Variants in RBM19 observed in about 807,000 individuals in gnomAD.
RBM19 encodes the protein probable RNA-binding protein 19.
A neutral mutation model predicts 116.8 loss-of-function variants in RBM19; 94 were observed. That is an observed-to-expected ratio of 0.80 (90% CI 0.68 to 0.95). RBM19 has a LOEUF of 0.95. RBM19 is among the 40% of genes least tolerant of loss of function. The probability of loss-of-function intolerance (pLI) is 0.00; values close to 1 mark genes in which losing one functional copy is unlikely to be tolerated. For missense variants in RBM19, 1,161 were observed against 1,220.7 expected, an observed-to-expected ratio of 0.95 and a Z score of 0.73; for synonymous variants, 475 against 494.1, an observed-to-expected ratio of 0.96 and a Z score of 0.51.
At chr12:113,919,091 A>G (rs1882954612) in intron 19 of RBM19, among the ~76,000 whole-genome samples, 1 of 152,208 alleles carries the variant, frequency 6.6e-6, no homozygotes, top group Non-Finnish European at 1.5e-5. Flanking sequence ...CTGCAGAGCC[A>G]ATTTTAAGTT....
In RBM19 at chr12:113,945,892, G is replaced by A. The variant is rs764514315; in HGVS notation, c.1562C>T (p.Pro521Leu). 5 of 1,591,380 alleles carry A rather than the reference G, an allele frequency of 3.1e-6. No homozygotes were observed. Among genetic ancestry groups the A allele is most frequent in the East Asian group, 2.2e-5 (1 of 44,772 alleles). Residue 521 changes from proline (P) to leucine (L), a missense_variant, in exon 13 of 24, where the codon CCG becomes CTG. Pro to Leu is a moderately conservative substitution (Grantham distance 98, BLOSUM62 -3). Transcript: ENST00000261741. The part of the protein sequence containing the change: ...SHNWNTLFMG[P>L]NAVADAIAQK... ...TGCGATGGCATCGGCCACGGCATTC[G>A]GCCCCATGAATAGTGTGTTCCAGTT...
intron 22 of RBM19, among the ~76,000 whole-genome samples, chr12:113,848,626 T>C (rs532224010): frequency 6.6e-6 from 1 of 152,220 alleles, no homozygotes; most frequent in East Asian, 1.9e-4. Flanking sequence ...TGTGAGGAGC[T>C]TGGAAGGTTC....
intron 21 of RBM19, among the ~76,000 whole-genome samples, chr12:113,896,269 T>C (rs1881315499): frequency 6.6e-6 from 1 of 152,210 alleles, no homozygotes. Flanking sequence ...TTCCCTGTAA[T>C]GTGCTTTGTT....
chr12:113,909,741 CACCTCCAGACCCA>C (rs1882312082), intron 21 of RBM19, among the ~76,000 whole-genome samples: 1 of 152,174 alleles, frequency 6.6e-6, no homozygotes, highest in Non-Finnish European at 1.5e-5. Flanking sequence ...CCTTCCTTCT[CACCTCCAGACCCA>C]CTTGACTGTC....
At chr12:113,955,910 G>T (rs1177420476) in intron 6 of RBM19, among the ~76,000 whole-genome samples, 1 of 152,160 alleles carries the variant, frequency 6.6e-6, no homozygotes, top group Non-Finnish European at 1.5e-5. Flanking sequence ...GCCCTGCTGG[G>T]GGTGCTGCAT....
chr12:113,940,208 T>C, intron 14 of RBM19, 48 bp from the exon 15 acceptor site: 24 of 1,541,430 alleles, frequency 1.6e-5, no homozygotes, highest in South Asian at 2.3e-5. Flanking sequence ...GGGAGGAGGG[T>C]CCCCAGCTGA....
intron 21 of RBM19, among the ~76,000 whole-genome samples, chr12:113,893,864 G>A (rs985486572): frequency 1.3e-4 from 20 of 152,312 alleles, no homozygotes; most frequent in Admixed American, 1.0e-3. Context: ...GCTCAGGAGC[G>A]ACACAGGGCC....
At chr12:113,820,353 A>G (rs981659189), downstream of RBM19, among the ~76,000 whole-genome samples, 44 of 152,092 alleles carry the variant, frequency 2.9e-4, no homozygotes, top group Non-Finnish European at 5.0e-4. Flanking sequence ...ATCTCAAAGG[A>G]AAATAAAAAG....
intron 2 of RBM19, 40 bp from the exon 3 acceptor site, chr12:113,960,218 AC>A: frequency 6.2e-7 from 1 of 1,611,810 alleles, no homozygotes. Context: ...CTGCCATGGC[AC>A]CCAGGCGTTG....
intron 16 of RBM19, among the ~76,000 whole-genome samples, chr12:113,934,525 A>G (rs1392794211): frequency 1.3e-5 from 2 of 152,146 alleles, no homozygotes; most frequent in Non-Finnish European, 2.9e-5. Flanking sequence ...CCTGATCACT[A>G]TCAGCCACTG....
chr12:113,844,767 G>A lies in RBM19; in HGVS notation c.2686C>T (p.His896Tyr). 1 of 1,613,234 alleles carries A rather than the reference G, an allele frequency of 6.2e-7. No individual in the cohort carries two copies. The highest frequency in any genetic ancestry group is 8.5e-7 in the Non-Finnish European group (1 of 1,179,658). ...DAKRAFNALCHSTHLYGRRLV... is the reference protein window; with the variant it reads ...DAKRAFNALCYSTHLYGRRLV... ...CTCCGCCCGTACAAGTGGGTGCTGT[G>A]ACACAGGGCGTTGAAGGCTCTCTGC... Residue 896 changes from histidine (H) to tyrosine (Y), a missense_variant, in exon 23 of 24, where the codon CAC (histidine) becomes TAC (tyrosine). Transcript: ENST00000261741.
At chr12:113,834,702 G>C (rs1875720562) in intron 23 of RBM19, among the ~76,000 whole-genome samples, 1 of 152,194 alleles carries the variant, frequency 6.6e-6, no homozygotes, top group African/African-American at 2.4e-5. Flanking sequence ...CCAATAAAGA[G>C]AGGGCAATTT....
At position 113,856,143 on chromosome 12, in the gene RBM19, G is replaced by C. The variant is rs182283252; in HGVS notation, c.2664+2648C>G. On this transcript the variant is annotated intron_variant, in intron 22 of 23. Coordinates refer to ENST00000261741, the MANE Select transcript of RBM19 (RefSeq NM_016196.4). ...AGGGCCAGTCCCGGAGAGGCTGTGA[G>C]TTGAGCCTGTACTGTCCTCGGCTGC... Among the ~76,000 whole-genome samples, 60 of 152,342 alleles carry C rather than the reference G, an allele frequency of 3.9e-4. No individual in the cohort carries two copies. In the East Asian group the frequency reaches 6.8e-3, roughly 17 times the overall value.
intron 22 of RBM19, among the ~76,000 whole-genome samples, chr12:113,854,809 T>TA (rs1225679440): frequency 6.6e-6 from 1 of 152,166 alleles, no homozygotes; most frequent in Non-Finnish European, 1.5e-5. Context: ...TGCTGGAGTT[T>TA]AGCAAATGCT....
At chr12:113,918,956 A>T (rs978279882) in intron 19 of RBM19, among the ~76,000 whole-genome samples, 4 of 152,246 alleles carry the variant, frequency 2.6e-5, no homozygotes, top group Admixed American at 2.6e-4. Flanking sequence ...CGTAGGAACA[A>T]TTCTTGGAGG....
intron 21 of RBM19, among the ~76,000 whole-genome samples, chr12:113,897,224 A>G (rs1278517660): frequency 6.6e-6 from 1 of 152,214 alleles, no homozygotes; most frequent in Non-Finnish European, 1.5e-5. Flanking sequence ...GCTGGAGTGC[A>G]CTGGTGTGAT....
intron 21 of RBM19, among the ~76,000 whole-genome samples, chr12:113,882,113 TAAGGGG>T (rs1048078141): frequency 3.3e-5 from 5 of 152,312 alleles, no homozygotes; most frequent in Non-Finnish European, 7.4e-5. Flanking sequence ...CTCTCCCCTC[TAAGGGG>T]AGAAGGGCTC....
At position 113,959,199 on chromosome 12, in the gene RBM19, C is replaced by T. The variant is rs1872258371; in HGVS notation, c.571+13G>A. On this transcript the variant is annotated intron_variant, in intron 5 of 23. Coordinates refer to ENST00000261741, the MANE Select transcript of RBM19 (RefSeq NM_016196.4). Reference sequence around the variant, plus strand: ...GTCCGTGCGCATGGAGCACACAGTCCCCATGCCCTCACCTTCCAGGTCCTC... The same window carrying T: ...GTCCGTGCGCATGGAGCACACAGTCTCCATGCCCTCACCTTCCAGGTCCTC... 1.2e-6 allele frequency: 2 copies of T among 1,605,136 alleles called. No homozygotes were observed. Among genetic ancestry groups the T allele is most frequent in the Non-Finnish European group, 1.7e-6 (2 of 1,174,830 alleles).
intron 21 of RBM19, among the ~76,000 whole-genome samples, chr12:113,896,287 C>A (rs1881317147): frequency 6.6e-6 from 1 of 152,176 alleles, no homozygotes. Context: ...GTTCGCTTGC[C>A]CCAGAGCAGG....
Sources: allele counts gnomAD v4.1 joint callset (sites outside exome capture counted in the v4.1 genomes callset), GRCh38; gene constraint gnomAD v4.1.1; transcripts MANE v1.5; gene names NCBI Gene and HGNC (gene_info 2026-07-23, HGNC 2026-07-21).